The following HS3ST5 variants were observed in gnomAD, a reference collection of about 807,000 sequenced individuals.
The protein encoded by HS3ST5 is heparan sulfate-glucosamine 3-sulfotransferase 5.
A neutral mutation model predicts 25.4 loss-of-function variants in HS3ST5; 10 were observed. The ratio of observed to expected loss-of-function variants is 0.39; its 90% CI spans 0.24 to 0.67. HS3ST5 has a LOEUF of 0.67. Ranked by LOEUF, HS3ST5 falls within the 30% of genes least tolerant of loss-of-function variation. The pLI, the probability that HS3ST5 is intolerant of heterozygous loss-of-function variation, is 0.44. For missense variants in HS3ST5, 324 were observed against 420.7 expected (o/e 0.77, Z 2.01); for synonymous variants, 170 against 162.4 (o/e 1.05, Z -0.36).
chr6:114,215,293 G>A (rs1041054011), intron 2 of HS3ST5, among the ~76,000 whole-genome samples: 4 of 152,174 alleles, frequency 2.6e-5, no homozygotes, highest in East Asian at 3.9e-4. Context: ...GTGACAGAGC[G>A]AGACTCTGTC....
chr6:114,210,865 T>C (rs1196133085), intron 2 of HS3ST5, among the ~76,000 whole-genome samples: 1 of 152,202 alleles, frequency 6.6e-6, no homozygotes, highest in Non-Finnish European at 1.5e-5. Flanking sequence ...TATGTCTAAA[T>C]TCCATATTCT....
intron 1 of HS3ST5, among the ~76,000 whole-genome samples, chr6:114,304,774 T>G (rs1775220849): frequency 6.6e-6 from 1 of 152,098 alleles, no homozygotes; most frequent in East Asian, 1.9e-4. Context: ...AGAGATAGAT[T>G]GTTTTATATG....
At chr6:114,075,806 A>G (rs1271778553) in intron 3 of HS3ST5, among the ~76,000 whole-genome samples, 1 of 152,172 alleles carries the variant, frequency 6.6e-6, no homozygotes, top group Non-Finnish European at 1.5e-5. Flanking sequence ...ATCTTCTTAC[A>G]GAGCTGGGAT....
At chr6:114,152,766 C>T (rs1411160768) in intron 3 of HS3ST5, among the ~76,000 whole-genome samples, 1 of 152,122 alleles carries the variant, frequency 6.6e-6, no homozygotes, top group East Asian at 1.9e-4. Flanking sequence ...AGTGGCCTGC[C>T]CCTTGAGCAG....
At chr6:114,115,395 A>G (rs923287845) in intron 3 of HS3ST5, among the ~76,000 whole-genome samples, 4 of 152,090 alleles carry the variant, frequency 2.6e-5, no homozygotes, top group Non-Finnish European at 5.9e-5. Flanking sequence ...AAATTACATG[A>G]GTCTCTTTCT....
chr6:114,318,874 T>C (rs1775850936), intron 1 of HS3ST5, among the ~76,000 whole-genome samples: 1 of 152,222 alleles, frequency 6.6e-6, no homozygotes, highest in South Asian at 2.1e-4. Flanking sequence ...TAAGATTTTA[T>C]AATTCCATAA....
intron 3 of HS3ST5, among the ~76,000 whole-genome samples, chr6:114,086,554 T>G (rs1426845444): frequency 6.6e-6 from 1 of 152,220 alleles, no homozygotes; most frequent in African/African-American, 2.4e-5. Flanking sequence ...CAGCTTGATT[T>G]CAGCCTTGTG....
chr6:114,193,082 T>C (rs1243683775), intron 2 of HS3ST5, among the ~76,000 whole-genome samples: 2 of 152,194 alleles, frequency 1.3e-5, no homozygotes, highest in African/African-American at 4.8e-5. Context: ...GCAGTCTTTA[T>C]CAAACCAGGA....
rs1354369679 is a variant in HS3ST5 at position 114,136,275 on chromosome 6, TC to T, written c.-33+32075del. On this transcript the variant is annotated intron_variant, in intron 3 of 4. Transcript: ENST00000312719. ...GGAGTAATTAAATCATGGGGGCAGG[TC>T]TTTCCCATGCTGTTCTTGTGATAGT... 1.6e-4 allele frequency among the ~76,000 whole-genome samples: 25 copies of T among 152,266 alleles called. 1 individual carries two copies. In the East Asian group the frequency reaches 4.6e-3, roughly 28 times the overall value.
At chr6:114,202,185 T>C (rs953297544) in intron 2 of HS3ST5, among the ~76,000 whole-genome samples, 11 of 152,032 alleles carry the variant, frequency 7.2e-5, no homozygotes, top group African/African-American at 1.2e-4. Flanking sequence ...CTTTGAGAGG[T>C]TGAGGAGCAG....
At chr6:114,179,126 C>T (rs1037193821) in intron 2 of HS3ST5, 13 of 152,264 alleles carry the variant, frequency 8.5e-5, no homozygotes, top group Non-Finnish European at 1.8e-4. Context: ...TTGTCATTAC[C>T]CTCAGAACTC....
At chr6:114,330,753 C>T (rs1776361122) in intron 1 of HS3ST5, among the ~76,000 whole-genome samples, 1 of 152,148 alleles carries the variant, frequency 6.6e-6, no homozygotes, top group African/African-American at 2.4e-5. Flanking sequence ...TCTCCTCAAG[C>T]CTACTGTAGG....
intron 1 of HS3ST5, among the ~76,000 whole-genome samples, chr6:114,323,272 T>C (rs546318691): frequency 2.0e-5 from 3 of 152,278 alleles, no homozygotes; most frequent in South Asian, 2.1e-4. Flanking sequence ...TAGAGAAAGA[T>C]AGCATATGTA....
intron 2 of HS3ST5, chr6:114,178,947 A>G (rs1779843762): frequency 6.6e-6 from 1 of 152,142 alleles, no homozygotes; most frequent in African/African-American, 2.4e-5. Flanking sequence ...ATTTTTGAAA[A>G]AAAAGGAAAA....
At chr6:114,205,466 G>A (rs777569795) in intron 2 of HS3ST5, among the ~76,000 whole-genome samples, 12 of 152,220 alleles carry the variant, frequency 7.9e-5, no homozygotes, top group Non-Finnish European at 1.0e-4. Flanking sequence ...CCCTCCCAAT[G>A]TATCAACATG....
At chr6:114,218,183 A>G (rs915345687) in intron 2 of HS3ST5, among the ~76,000 whole-genome samples, 2 of 152,106 alleles carry the variant, frequency 1.3e-5, no homozygotes, top group African/African-American at 4.8e-5. Context: ...TTTTTAGAAG[A>G]GACAGCGTTT....
chr6:114,262,327 C>G (rs1773210496), intron 1 of HS3ST5, among the ~76,000 whole-genome samples: 1 of 152,158 alleles, frequency 6.6e-6, no homozygotes, highest in South Asian at 2.1e-4. Flanking sequence ...GAGGGCTGAT[C>G]ACAAGTTCAG....
intron 1 of HS3ST5, chr6:114,340,518 T>C (rs1389229961): frequency 2.6e-5 from 4 of 152,208 alleles, no homozygotes; most frequent in Non-Finnish European, 5.9e-5. Flanking sequence ...TGTGTCTCCA[T>C]CAGTTCACTG....
intron 2 of HS3ST5, among the ~76,000 whole-genome samples, chr6:114,221,711 T>C (rs1046865289): frequency 1.3e-5 from 2 of 151,812 alleles, no homozygotes; most frequent in African/African-American, 4.8e-5. Context: ...TTTTATCTAA[T>C]GGTTCCATAA....
Sources: gnomAD v4.1 joint callset for allele counts (sites outside exome capture counted in the v4.1 genomes callset) on GRCh38, gnomAD v4.1.1 for gene constraint, MANE v1.5 for transcripts, NCBI Gene and HGNC (gene_info 2026-07-23, HGNC 2026-07-21) for gene names.